The following TMEM117 variants were observed in gnomAD, a reference collection of about 807,000 sequenced individuals.
The protein encoded by TMEM117 is transmembrane protein 117.
Under a neutral mutation model 52.4 loss-of-function variants are expected in TMEM117, and 27 were observed. That is an observed-to-expected ratio of 0.51 (90% CI 0.38 to 0.71). The LOEUF (loss-of-function observed/expected upper bound fraction) is 0.71, where lower values mean the gene tolerates loss of function less well. TMEM117 is among the 30% of genes least tolerant of loss of function. The pLI, the probability that TMEM117 is intolerant of heterozygous loss-of-function variation, is 0.00. For synonymous variants in TMEM117, 215 were observed against 206.3 expected, an observed-to-expected ratio of 1.04 and a Z score of -0.36; for missense variants, 556 against 630.5, an observed-to-expected ratio of 0.88 and a Z score of 1.26.
chr12:44,022,661 A>C (rs1429677891), intron 3 of TMEM117, among the ~76,000 whole-genome samples: 1 of 152,190 alleles, frequency 6.6e-6, no homozygotes, highest in African/African-American at 2.4e-5. Context: ...AAAAGCCATC[A>C]AGTCTTTAGG....
At chr12:43,971,717 T>C (rs940523183) in intron 3 of TMEM117, among the ~76,000 whole-genome samples, 2 of 152,146 alleles carry the variant, frequency 1.3e-5, no homozygotes, top group Non-Finnish European at 2.9e-5. Context: ...CCCTCCCACC[T>C]CCAGTACTCT....
chr12:44,027,106 T>TTA (rs1946546243), intron 3 of TMEM117, among the ~76,000 whole-genome samples: 15 of 142,252 alleles, frequency 1.1e-4, no homozygotes, highest in African/African-American at 4.1e-4. Context: ...TTTATTTTAT[T>TTA]TTATTTTATC....
intron 5 of TMEM117, among the ~76,000 whole-genome samples, chr12:44,267,794 A>G (rs1028885104): frequency 6.6e-6 from 1 of 152,144 alleles, no homozygotes; most frequent in Non-Finnish European, 1.5e-5. Flanking sequence ...ACTTTATTCA[A>G]CATAAGCCTG....
intron 6 of TMEM117, among the ~76,000 whole-genome samples, chr12:44,312,606 T>C (rs1951004840): frequency 6.6e-6 from 1 of 152,198 alleles, no homozygotes; most frequent in African/African-American, 2.4e-5. Flanking sequence ...ATGGAATGAT[T>C]TATTTTTTAT....
intron 6 of TMEM117, among the ~76,000 whole-genome samples, chr12:44,317,696 A>T (rs1480483581): frequency 6.6e-6 from 1 of 152,166 alleles, no homozygotes; most frequent in African/African-American, 2.4e-5. Flanking sequence ...AGCTGGTTTT[A>T]TGTTGGACTG....
At chr12:44,103,879 A>G (rs1409244137) in intron 3 of TMEM117, among the ~76,000 whole-genome samples, 2 of 152,028 alleles carry the variant, frequency 1.3e-5, no homozygotes, top group African/African-American at 4.8e-5. Context: ...TAAAACATAT[A>G]GATAATTGAA....
intron 1 of TMEM117, among the ~76,000 whole-genome samples, chr12:43,837,146 C>T (rs1943045628): frequency 6.6e-6 from 1 of 151,978 alleles, no homozygotes. Flanking sequence ...GACATTTTGT[C>T]TCAGGCATTT....
At chr12:43,945,625 C>A (rs1422204060) in intron 3 of TMEM117, among the ~76,000 whole-genome samples, 6 of 152,132 alleles carry the variant, frequency 3.9e-5, no homozygotes, top group Non-Finnish European at 8.8e-5. Flanking sequence ...ATCTGGCCTG[C>A]TCTCAGTAAG....
intron 2 of TMEM117, among the ~76,000 whole-genome samples, chr12:43,899,538 A>G (rs1177272684): frequency 6.6e-6 from 1 of 152,184 alleles, no homozygotes; most frequent in African/African-American, 2.4e-5. Context: ...AATTCTGCAT[A>G]TTGGAGTCCT....
the TMEM117 span, among the ~76,000 whole-genome samples, chr12:43,819,789 A>AGAGAGAGAGAGG: frequency 2.0e-5 from 3 of 151,042 alleles, no homozygotes; most frequent in East Asian, 3.9e-4. Flanking sequence ...AAAGAGAGAA[A>AGAGAGAGAGAGG]GAGAGAGAGA....
At chr12:43,972,176 A>G (rs1290092172) in intron 3 of TMEM117, among the ~76,000 whole-genome samples, 1 of 152,180 alleles carries the variant, frequency 6.6e-6, no homozygotes, top group Non-Finnish European at 1.5e-5. Context: ...CAGGAAGGAG[A>G]TACTATGGGA....
intron 3 of TMEM117, among the ~76,000 whole-genome samples, chr12:44,096,124 G>T (rs1023627607): frequency 5.9e-5 from 9 of 152,132 alleles, no homozygotes; most frequent in African/African-American, 1.9e-4. Flanking sequence ...TTGCTTCAAA[G>T]AGAATAAAAT....
chr12:43,962,754 A>G (rs1012806505), intron 3 of TMEM117, among the ~76,000 whole-genome samples: 5 of 152,228 alleles, frequency 3.3e-5, no homozygotes, highest in South Asian at 4.2e-4. Context: ...CCCTGTCTCT[A>G]CTAAAAATAC....
At chr12:43,933,338 C>T (rs1283792355) in intron 2 of TMEM117, among the ~76,000 whole-genome samples, 1 of 149,344 alleles carries the variant, frequency 6.7e-6, no homozygotes, top group African/African-American at 2.5e-5. Context: ...GTAGCTGGGA[C>T]TACAGGCGCC....
chr12:43,812,767 G>A, the TMEM117 span, among the ~76,000 whole-genome samples: 4 of 151,910 alleles, frequency 2.6e-5, no homozygotes, highest in African/African-American at 7.2e-5. Context: ...GGACTTTTGA[G>A]GCTGAGGAGG....
chr12:44,170,063 G>A (rs967707365), intron 4 of TMEM117, among the ~76,000 whole-genome samples: 1 of 152,072 alleles, frequency 6.6e-6, no homozygotes, highest in Non-Finnish European at 1.5e-5. Context: ...ATCAATGATA[G>A]AATGGATTAA....
At chr12:44,325,522 A>G (rs1376501333) in intron 6 of TMEM117, among the ~76,000 whole-genome samples, 1 of 142,156 alleles carries the variant, frequency 7.0e-6, no homozygotes, top group East Asian at 1.9e-4. Flanking sequence ...ATTTATAGCT[A>G]TTTATATTTA....
intron 3 of TMEM117, among the ~76,000 whole-genome samples, chr12:44,044,211 G>A (rs1168082): frequency 6.6e-6 from 1 of 152,170 alleles, no homozygotes; most frequent in Non-Finnish European, 1.5e-5. Context: ...TGCTCTTCTT[G>A]AGGTGTCAGT....
chr12:43,967,832 G>A (rs1374663059), intron 3 of TMEM117, among the ~76,000 whole-genome samples: 2 of 152,200 alleles, frequency 1.3e-5, no homozygotes, highest in African/African-American at 4.8e-5. Context: ...CTAATGCACT[G>A]CATATAAAAT....
Sources: gnomAD v4.1 joint callset for allele counts (sites outside exome capture counted in the v4.1 genomes callset) on GRCh38, gnomAD v4.1.1 for gene constraint, MANE v1.5 for transcripts, NCBI Gene and HGNC (gene_info 2026-07-23, HGNC 2026-07-21) for gene names.